The following ENTPD1 variants were observed in gnomAD, a reference collection of about 807,000 sequenced individuals.
The protein encoded by ENTPD1 is ectonucleoside triphosphate diphosphohydrolase 1, also known as ATP diphosphohydrolase.
ENTPD1 carries 33 observed loss-of-function variants against 57.0 expected under a neutral mutation model. The ratio of observed to expected loss-of-function variants is 0.58; its 90% confidence interval spans 0.44 to 0.77. The LOEUF is 0.77. Ranked by LOEUF, ENTPD1 falls within the 30% of genes least tolerant of loss-of-function variation. The probability of loss-of-function intolerance (pLI) is 0.00; values close to 1 mark genes in which losing one functional copy is unlikely to be tolerated. For synonymous variants in ENTPD1, 202 were observed against 218.8 expected, an observed-to-expected ratio of 0.92 and a Z score of 0.68; for missense variants, 501 against 603.4, an observed-to-expected ratio of 0.83 and a Z score of 1.78.
In ENTPD1 at chr10:95,876,488, A is replaced by G. The variant is rs1590245982; in HGVS notation, c.*10105A>G. 2.4e-6 allele frequency: 3 copies of G among 1,231,348 alleles called. No homozygotes were observed. The East Asian group carries it at 9.5e-5, about 39-fold the overall frequency. 76.3% of individuals were successfully genotyped at this position (1,231,348 alleles called of 1,614,324 possible). On this transcript the variant is annotated 3_prime_UTR_variant, in exon 10 of 10. Coordinates refer to ENST00000371205, the MANE Select transcript of ENTPD1 (RefSeq NM_001776.6). Reference sequence around the variant, plus strand: ...GCTTAAAAATATGTCTCTCTGTCCTATTCTGTATCTGTATCTCTTGGATTT... The same window carrying G: ...GCTTAAAAATATGTCTCTCTGTCCTGTTCTGTATCTGTATCTCTTGGATTT...
At chr10:95,737,458 C>G (rs529067844) in intron 1 of ENTPD1, among the ~76,000 whole-genome samples, 1 of 151,736 alleles carries the variant, frequency 6.6e-6, no homozygotes, top group South Asian at 2.1e-4. Flanking sequence ...GATCTCAGCT[C>G]ACTGCAAACT....
chr10:95,777,958 G>A (rs2098140781), intron 1 of ENTPD1, among the ~76,000 whole-genome samples: 2 of 152,176 alleles, frequency 1.3e-5, no homozygotes, highest in South Asian at 4.1e-4. Context: ...AACCATGTGT[G>A]GGATATAATC....
At chr10:95,695,695 G>T in the ENTPD1 span, among the ~76,000 whole-genome samples, 1 of 152,130 alleles carries the variant, frequency 6.6e-6, no homozygotes, top group Non-Finnish European at 1.5e-5. Context: ...ATATTATTCA[G>T]ATTATATGAT....
At chr10:95,694,499 A>G in the ENTPD1 span, among the ~76,000 whole-genome samples, 1 of 152,214 alleles carries the variant, frequency 6.6e-6, no homozygotes, top group Admixed American at 6.5e-5. Context: ...TGAAAACCCT[A>G]AAGAAATGCA....
intron 1 of ENTPD1, among the ~76,000 whole-genome samples, chr10:95,792,207 T>C (rs2098207344): frequency 6.6e-6 from 1 of 152,172 alleles, no homozygotes; most frequent in South Asian, 2.1e-4. Context: ...ATACAGCACT[T>C]TCAGTGTTAA....
chr10:95,695,064 C>A, the ENTPD1 span, among the ~76,000 whole-genome samples: 1 of 151,912 alleles, frequency 6.6e-6, no homozygotes, highest in African/African-American at 2.4e-5. Flanking sequence ...CCACGCCCGG[C>A]TAATTTTATT....
Position 95,864,940 on chromosome 10 carries a change from G to A in ENTPD1, c.1326+79G>A, listed in dbSNP as rs569274737. 7.2e-6 allele frequency: 11 copies of A among 1,522,898 alleles called. No individual in the cohort carries two copies. In the African/African-American group the frequency reaches 1.4e-4, roughly 19 times the overall value. The allele number at this position is 1,522,898 out of a possible 1,614,324, so 94.3% of individuals were successfully genotyped here. A position where few individuals can be genotyped will look rare whatever the true frequency, so the allele number is the denominator to read the frequency against. On this transcript the variant is annotated intron_variant, in intron 9 of 9. Transcript: ENST00000371205. ...TGAAGCAGTTTGGGGCTTGAAAAAG[G>A]GGGGAGTCAGCATGGTGTAGCTTTG...
intron 1 of ENTPD1, among the ~76,000 whole-genome samples, chr10:95,788,505 T>TC (rs2098189718): frequency 6.6e-6 from 1 of 151,698 alleles, no homozygotes; most frequent in Non-Finnish European, 1.5e-5. Context: ...TAATCCCAGA[T>TC]ACGTTGGAGG....
chr10:95,824,287 C>A (rs3176888), intron 2 of ENTPD1, among the ~76,000 whole-genome samples: 4 of 152,076 alleles, frequency 2.6e-5, no homozygotes, highest in Admixed American at 1.3e-4. Context: ...CCATGGAGGC[C>A]TGGGAATACA....
chr10:95,742,857 C>A (rs1429395240), intron 1 of ENTPD1, among the ~76,000 whole-genome samples: 1 of 152,092 alleles, frequency 6.6e-6, no homozygotes, highest in Non-Finnish European at 1.5e-5. Flanking sequence ...TTAAAATAAG[C>A]TTTTAATTAT....
intron 1 of ENTPD1, among the ~76,000 whole-genome samples, chr10:95,737,424 C>T (rs769266914): frequency 7.9e-5 from 12 of 151,786 alleles, no homozygotes; most frequent in South Asian, 6.2e-4. Flanking sequence ...TTGCTCTGTC[C>T]CCCAAGCTGG....
chr10:95,724,268 G>A (rs2097981280), intron 1 of ENTPD1, among the ~76,000 whole-genome samples: 2 of 151,870 alleles, frequency 1.3e-5, no homozygotes, highest in South Asian at 4.2e-4. Context: ...CAGGTGCCTG[G>A]TATTTTCCTC....
In ENTPD1 at chr10:95,842,438, C is replaced by T. The variant is rs2098424530; in HGVS notation, c.357C>T (p.Ser119=). 1.2e-6 allele frequency: 2 copies of T among 1,614,006 alleles called. No individual in the cohort carries two copies. Among genetic ancestry groups the T allele is most frequent in the South Asian group, 1.1e-5 (1 of 91,068 alleles). The change falls in exon 4 of 10, where the codon TCC becomes TCT. Residue 119 remains serine (S), a synonymous_variant. Coordinates refer to ENST00000371205, the MANE Select transcript of ENTPD1 (RefSeq NM_001776.6). ...MERAREVIPR[S]QHQETPVYLG... ...GAGCTAGGGAAGTGATTCCAAGGTCCCAGCACCAAGAGACACCCGTTTACC... is the reference window on the plus strand; with the variant it reads ...GAGCTAGGGAAGTGATTCCAAGGTCTCAGCACCAAGAGACACCCGTTTACC...
chr10:95,855,784 T>C (rs1019777236), intron 7 of ENTPD1, among the ~76,000 whole-genome samples: 1 of 152,268 alleles, frequency 6.6e-6, no homozygotes, highest in Non-Finnish European at 1.5e-5. Flanking sequence ...TTCTGGCTTA[T>C]AGAGTTTCTG....
intron 7 of ENTPD1, among the ~76,000 whole-genome samples, chr10:95,858,629 T>C (rs111798561): frequency 0.016 from 2,467 of 152,208 alleles, 59 homozygotes; most frequent in African/African-American, 0.056. Context: ...ACGATCTTTT[T>C]CTGCACCTGG....
chr10:95,784,387 C>G (rs2098170122), intron 1 of ENTPD1, among the ~76,000 whole-genome samples: 1 of 152,156 alleles, frequency 6.6e-6, no homozygotes, highest in African/African-American at 2.4e-5. Flanking sequence ...TGTCTCTCAC[C>G]AGCAGCCACT....
In ENTPD1 at chr10:95,732,647, C is replaced by T. The variant is rs1489605976; in HGVS notation, c.37+20654C>T. On this transcript the variant is annotated intron_variant, in intron 1 of 9. Transcript: ENST00000453258. ...CCCCCAATAATTCAACGTTATTTCA[C>T]GTAGGTTCTTTTCTATTTCCCTAAG... 3.3e-5 allele frequency among the ~76,000 whole-genome samples: 5 copies of T among 152,042 alleles called. No homozygotes were observed. In the East Asian group the frequency reaches 5.8e-4, roughly 18 times the overall value.
At chr10:95,701,977 A>G in the ENTPD1 span, among the ~76,000 whole-genome samples, 16 of 152,192 alleles carry the variant, frequency 1.1e-4, no homozygotes, top group African/African-American at 3.6e-4. Flanking sequence ...AATATTTAAA[A>G]TAATCCTAAA....
At position 95,871,336 on chromosome 10, in the gene ENTPD1, C is replaced by CT; in HGVS notation, c.*4955dup. 1 of 985,384 alleles carries CT rather than the reference C, an allele frequency of 1.0e-6. No individual in the cohort carries two copies. The highest frequency in any genetic ancestry group is 1.2e-6 in the Non-Finnish European group (1 of 829,846). 61.0% of individuals were successfully genotyped at this position (985,384 alleles called of 1,614,324 possible). The stretch of plus-strand genomic sequence containing the variant: ...ATATTATCTTTAAAAAATGTCATTA[C>CT]TTCTAAGACATCATCAGTCTGCAAC... On this transcript the variant is annotated 3_prime_UTR_variant, in exon 10 of 10. Coordinates refer to ENST00000371205, the MANE Select transcript of ENTPD1 (RefSeq NM_001776.6).
Sources: allele counts gnomAD v4.1 joint callset (sites outside exome capture counted in the v4.1 genomes callset), GRCh38; gene constraint gnomAD v4.1.1; transcripts MANE v1.5; gene names NCBI Gene and HGNC (gene_info 2026-07-23, HGNC 2026-07-21).